DNM2: variants seen among roughly 807,000 people sequenced by gnomAD.
DNM2 encodes the protein dynamin-2.
In DNM2, 15 loss-of-function variants were observed where a neutral mutation model predicts 99.0. The ratio of observed to expected loss-of-function variants is 0.15; its 90% confidence interval spans 0.10 to 0.23. The LOEUF is 0.23. Among genes scored for constraint, DNM2 ranks in the 10% least tolerant of loss-of-function variants. The pLI, the probability that DNM2 is intolerant of heterozygous loss-of-function variation, is 1.00. For synonymous variants in DNM2, 525 were observed against 481.2 expected (o/e 1.09, Z -1.19); for missense variants, 742 against 1,189.4 (o/e 0.62, Z 5.53).
intron 1 of DNM2, among the ~76,000 whole-genome samples, chr19:10,749,956 A>G (rs2070135808): frequency 6.6e-6 from 1 of 152,232 alleles, no homozygotes; most frequent in Non-Finnish European, 1.5e-5. Context: ...CAGCAGTGCC[A>G]GAGAGAACTC....
At chr19:10,757,258 CTTG>C (rs139887422) in intron 1 of DNM2, among the ~76,000 whole-genome samples, 10,366 of 152,236 alleles carry the variant, frequency 0.068, 390 homozygotes, top group Middle Eastern at 0.099. Flanking sequence ...CTTGGGCTGA[CTTG>C]TTGTGTAGTC....
Position 10,830,865 on chromosome 19 carries a change from G to C in DNM2, c.2544-113G>C. ...TGGTGGCTTGCGGAGGTCAGCCTGG[G>C]AACACCCTGGGGTGGTGTGTGGGTG... On this transcript the variant is annotated intron_variant, in intron 20 of 20. Coordinates refer to ENST00000389253, the MANE Select transcript of DNM2 (RefSeq NM_001005361.3). The surrounding 1 kb of genome is among the most constrained non-coding windows in gnomAD (Gnocchi z 4.8). 1 of 1,308,764 alleles carries C rather than the reference G, an allele frequency of 7.6e-7. No individual in the cohort carries two copies. Among genetic ancestry groups the C allele is most frequent in the Non-Finnish European group, 1.0e-6 (1 of 967,942 alleles). 81.1% of individuals were successfully genotyped at this position (1,308,764 alleles called of 1,614,324 possible).
At chr19:10,813,866 C>T (rs1212664563) in intron 15 of DNM2, among the ~76,000 whole-genome samples, 3 of 150,454 alleles carry the variant, frequency 2.0e-5, no homozygotes, top group South Asian at 2.1e-4. Context: ...ATAGACAATA[C>T]GTTGTTGCAT....
intron 1 of DNM2, among the ~76,000 whole-genome samples, chr19:10,753,680 G>A (rs534940169): frequency 3.3e-4 from 49 of 150,498 alleles, no homozygotes; most frequent in African/African-American, 1.1e-3. Context: ...CCCCCGAGAC[G>A]GAGTTTCGCT....
intron 12 of DNM2, chr19:10,803,522 C>T (rs2072231328): frequency 1.4e-6 from 1 of 734,832 alleles, no homozygotes; most frequent in African/African-American, 1.9e-5. Context: ...CTGCTGTTTT[C>T]CTCACCTTGA....
At chr19:10,792,422 T>TAG (rs1216786646) in intron 7 of DNM2, among the ~76,000 whole-genome samples, 6 of 152,160 alleles carry the variant, frequency 3.9e-5, no homozygotes, top group Admixed American at 3.9e-4. Flanking sequence ...GGAGAGCAAT[T>TAG]AGGAATGCTT....
In DNM2 at chr19:10,805,873, C is replaced by G. The variant is rs2287028; in HGVS notation, c.1494-43C>G. 35,849 of 1,613,676 alleles carry G rather than the reference C, an allele frequency of 0.022. 3,685 individuals carry two copies. In the East Asian group the frequency reaches 0.37, roughly 16 times the overall value. ...TTCGCCTCTTCCCCTTCTTCCCCCC[C>G]GGCATCTTGTCCACGTGAACCCTGT... On this transcript the variant is annotated intron_variant, in intron 12 of 20. Transcript: ENST00000389253.
intron 5 of DNM2, among the ~76,000 whole-genome samples, chr19:10,778,822 C>T (rs1194251255): frequency 1.3e-5 from 2 of 152,126 alleles, no homozygotes; most frequent in Non-Finnish European, 2.9e-5. Context: ...AATTATTGTT[C>T]TCTGTTAGCT....
Position 10,812,977 on chromosome 19 carries a change from C to T in DNM2, c.1671+600C>T, listed in dbSNP as rs916697284. 6.6e-6 allele frequency among the ~76,000 whole-genome samples: 1 copy of T among 152,196 alleles called. No individual in the cohort carries two copies. Among genetic ancestry groups the T allele is most frequent in the African/African-American group, 2.4e-5 (1 of 41,446 alleles). The stretch of plus-strand genomic sequence containing the variant: ...TGACCTCCAGTGCCACTGTGACTGC[C>T]CCGTGCTCAAGAGAAGGGGCCATGC... On this transcript the variant is annotated intron_variant, in intron 15 of 20. Transcript: ENST00000389253. The surrounding 1 kb of genome is among the most constrained non-coding windows in gnomAD (Gnocchi z 4.0).
chr19:10,738,257 C>T (rs1568271086), intron 1 of DNM2, among the ~76,000 whole-genome samples: 1 of 151,594 alleles, frequency 6.6e-6, no homozygotes, highest in Admixed American at 6.6e-5. Context: ...GACTCCATCT[C>T]AAAAAATAAA....
intron 4 of DNM2, 118 bp downstream of exon 4, chr19:10,776,024 G>A: frequency 3.8e-6 from 5 of 1,304,464 alleles, no homozygotes; most frequent in Non-Finnish European, 5.3e-6. Context: ...TGTAGGAAAA[G>A]GCCTCCTGGA....
intron 3 of DNM2, among the ~76,000 whole-genome samples, chr19:10,773,879 T>A (rs1189618419): frequency 6.6e-6 from 1 of 152,122 alleles, no homozygotes; most frequent in Non-Finnish European, 1.5e-5. Flanking sequence ...CCCAAAGTGC[T>A]GGGATTACAG....
chr19:10,745,314 G>C (rs1219223027), intron 1 of DNM2, among the ~76,000 whole-genome samples: 1 of 152,166 alleles, frequency 6.6e-6, no homozygotes, highest in African/African-American at 2.4e-5. Context: ...ATTCCACAAA[G>C]TACTGCCCTC....
At chr19:10,751,267 G>GGATCACACA (rs2145813262) in intron 1 of DNM2, among the ~76,000 whole-genome samples, 2 of 152,128 alleles carry the variant, frequency 1.3e-5, no homozygotes, top group South Asian at 4.1e-4. Flanking sequence ...AGCCCGCCCA[G>GGATCACACA]GATCACACAG....
intron 1 of DNM2, among the ~76,000 whole-genome samples, chr19:10,752,856 G>C (rs2070244435): frequency 6.6e-6 from 1 of 152,178 alleles, no homozygotes; most frequent in Non-Finnish European, 1.5e-5. Flanking sequence ...AGAAACTTAA[G>C]GTGGCCTGGT....
intron 5 of DNM2, among the ~76,000 whole-genome samples, chr19:10,780,068 TC>T (rs1476582173): frequency 3.3e-5 from 5 of 152,160 alleles, no homozygotes; most frequent in Non-Finnish European, 7.3e-5. Flanking sequence ...TTTCTTTTAC[TC>T]CTGGGTTTTC....
Position 10,823,776 on chromosome 19 carries a change from A to AC in DNM2, c.1782-5dup, listed in dbSNP as rs760441017. 1.1e-4 allele frequency: 157 copies of AC among 1,437,600 alleles called. No homozygotes were observed. Among genetic ancestry groups the AC allele is most frequent in the Middle Eastern group, 3.6e-4 (2 of 5,590 alleles). 89.1% of individuals were successfully genotyped at this position (1,437,600 alleles called of 1,614,324 possible). ...GTCAAGCTTGTGCCCCTCCTTCCCC[A>AC]CCCCCCCGCAGAAACGTCTACAAGG... On this transcript the variant is annotated splice_polypyrimidine_tract_variant and intron_variant, in intron 16 of 20. Transcript: ENST00000389253.
At chr19:10,745,620 C>T (rs1262736555) in intron 1 of DNM2, among the ~76,000 whole-genome samples, 1 of 152,126 alleles carries the variant, frequency 6.6e-6, no homozygotes, top group Non-Finnish European at 1.5e-5. Context: ...TCGCTTCAGC[C>T]CAGGAGTTTG....
chr19:10,799,732 C>T (rs905432556), intron 11 of DNM2, among the ~76,000 whole-genome samples: 3 of 152,124 alleles, frequency 2.0e-5, no homozygotes, highest in Non-Finnish European at 4.4e-5. Context: ...GAGATTTTCA[C>T]TATGTTGGCC....
Sources: allele counts gnomAD v4.1 joint callset (sites outside exome capture counted in the v4.1 genomes callset), GRCh38; gene constraint gnomAD v4.1.1; non-coding constraint Gnocchi (gnomAD v3.1); transcripts MANE v1.5; gene names NCBI Gene and HGNC (gene_info 2026-07-23, HGNC 2026-07-21).